The following GPC6 variants were observed in gnomAD, a reference collection of about 807,000 sequenced individuals.
GPC6 encodes the protein glypican-6.
In GPC6, 14 loss-of-function variants were observed where a neutral mutation model predicts 55.2. The observed-to-expected ratio is 0.25, with a 90% CI of 0.17 to 0.40. GPC6 has a LOEUF of 0.40. Among genes scored for constraint, GPC6 ranks in the 10% least tolerant of loss-of-function variants. The pLI is 1.00. For synonymous variants in GPC6, 278 were observed against 259.6 expected (o/e 1.07, Z -0.68); for missense variants, 641 against 708.5 (o/e 0.90, Z 1.08).
chr13:93,715,468 G>A (rs1232751151), intron 2 of GPC6, among the ~76,000 whole-genome samples: 2 of 151,520 alleles, frequency 1.3e-5, no homozygotes, highest in African/African-American at 4.8e-5. Flanking sequence ...AAGAGGGGAG[G>A]GAAGGAGGAA....
intron 3 of GPC6, among the ~76,000 whole-genome samples, chr13:93,977,407 G>C (rs1465023679): frequency 6.6e-6 from 1 of 150,888 alleles, no homozygotes; most frequent in South Asian, 2.1e-4. Flanking sequence ...TAAATGTTCA[G>C]AAGTGTGTGC....
chr13:94,075,801 A>G (rs1884891837), intron 4 of GPC6, among the ~76,000 whole-genome samples: 1 of 152,138 alleles, frequency 6.6e-6, no homozygotes, highest in Non-Finnish European at 1.5e-5. Context: ...AGGATTTCCT[A>G]CTTTCTAATG....
intron 1 of GPC6, among the ~76,000 whole-genome samples, chr13:93,516,497 T>C (rs2139392827): frequency 6.6e-6 from 1 of 152,188 alleles, no homozygotes; most frequent in South Asian, 2.1e-4. Context: ...GGAAACAAGC[T>C]GTGAATACAT....
intron 4 of GPC6, among the ~76,000 whole-genome samples, chr13:94,191,472 G>A (rs1293444464): frequency 6.6e-6 from 1 of 152,158 alleles, no homozygotes; most frequent in African/African-American, 2.4e-5. Flanking sequence ...AGGATCTTTG[G>A]AGAGCTGAGT....
chr13:94,335,465 C>A (rs1177256054), intron 6 of GPC6, among the ~76,000 whole-genome samples: 1 of 152,006 alleles, frequency 6.6e-6, no homozygotes, highest in Non-Finnish European at 1.5e-5. Context: ...GGTCCAGAGA[C>A]CTTTACGAAT....
At chr13:93,818,170 A>C (rs949429122) in intron 2 of GPC6, among the ~76,000 whole-genome samples, 1 of 149,992 alleles carries the variant, frequency 6.7e-6, no homozygotes, top group African/African-American at 2.4e-5. Context: ...AGGATATAGT[A>C]GAATATACAA....
At chr13:93,681,121 G>A (rs562995521) in intron 2 of GPC6, among the ~76,000 whole-genome samples, 20 of 152,138 alleles carry the variant, frequency 1.3e-4, no homozygotes, top group East Asian at 5.8e-4. Context: ...TGTTTCTTTC[G>A]ATCTTGATAA....
intron 3 of GPC6, among the ~76,000 whole-genome samples, chr13:93,930,286 T>TTTTTTTTTTTTTTTTG (rs1878098757): frequency 6.7e-6 from 1 of 148,384 alleles, no homozygotes; most frequent in Non-Finnish European, 1.5e-5. Context: ...TTTTTTTTTT[T>TTTTTTTTTTTTTTTTG]TTGTAGACAG....
chr13:94,212,042 A>G (rs549092368), intron 4 of GPC6, among the ~76,000 whole-genome samples: 4 of 152,214 alleles, frequency 2.6e-5, no homozygotes, highest in African/African-American at 4.8e-5. Flanking sequence ...GGACTTTATT[A>G]GCACCCTTTT....
chr13:94,118,158 A>G (rs1482242058), intron 4 of GPC6, among the ~76,000 whole-genome samples: 1 of 152,070 alleles, frequency 6.6e-6, no homozygotes, highest in Non-Finnish European at 1.5e-5. Flanking sequence ...TGTAGTTCTC[A>G]TAATCCCCAA....
At chr13:93,433,412 A>G (rs1405663451) in intron 1 of GPC6, among the ~76,000 whole-genome samples, 1 of 152,154 alleles carries the variant, frequency 6.6e-6, no homozygotes, top group Admixed American at 6.6e-5. Flanking sequence ...AAATAGTTTA[A>G]ATTACATGTA....
intron 7 of GPC6, among the ~76,000 whole-genome samples, chr13:94,383,288 G>A (rs1880256437): frequency 6.6e-6 from 1 of 152,194 alleles, no homozygotes; most frequent in Non-Finnish European, 1.5e-5. Flanking sequence ...CAGCAATGGG[G>A]TTGCAAGCGG....
chr13:93,461,897 T>A (rs1878707120), intron 1 of GPC6, among the ~76,000 whole-genome samples: 1 of 152,156 alleles, frequency 6.6e-6, no homozygotes, highest in Non-Finnish European at 1.5e-5. Flanking sequence ...GGGCACACAG[T>A]TGGTGCAGCT....
At chr13:93,654,238 A>T (rs894371487) in intron 2 of GPC6, among the ~76,000 whole-genome samples, 2 of 151,962 alleles carry the variant, frequency 1.3e-5, no homozygotes, top group Admixed American at 6.6e-5. Flanking sequence ...CACTTTAAGT[A>T]ATTATTATTA....
At chr13:93,805,236 C>A (rs1886507908) in intron 2 of GPC6, among the ~76,000 whole-genome samples, 1 of 152,070 alleles carries the variant, frequency 6.6e-6, no homozygotes, top group Non-Finnish European at 1.5e-5. Flanking sequence ...TCTAACTAAT[C>A]TCTATTAAAT....
chr13:93,247,110 C>G (rs1876629501), intron 1 of GPC6, among the ~76,000 whole-genome samples: 1 of 151,778 alleles, frequency 6.6e-6, no homozygotes, highest in East Asian at 1.9e-4. Flanking sequence ...AAAAACCATT[C>G]TAGTATCTTT....
In GPC6 at chr13:93,984,830, A is replaced by G. The variant is rs1211726856; in HGVS notation, c.712-42899A>G. ...TTCATCTTTGTGTCATTATCTGAAC[A>G]TATAAATATTTTTAATGGGAGGAAG... On this transcript the variant is annotated intron_variant, in intron 3 of 8. Coordinates refer to ENST00000377047, the MANE Select transcript of GPC6 (RefSeq NM_005708.5). Among the ~76,000 whole-genome samples, 4 of 152,242 alleles carry G rather than the reference A, an allele frequency of 2.6e-5. No homozygotes were observed. The South Asian group carries it at 6.2e-4, about 24-fold the overall frequency.
At chr13:93,711,727 C>T (rs866256177) in intron 2 of GPC6, among the ~76,000 whole-genome samples, 5 of 151,786 alleles carry the variant, frequency 3.3e-5, no homozygotes, top group African/African-American at 1.2e-4. Context: ...AATTTTCTGC[C>T]CCAGGGCATT....
chr13:93,757,611 A>G (rs1013364739), intron 2 of GPC6, among the ~76,000 whole-genome samples: 4 of 152,192 alleles, frequency 2.6e-5, no homozygotes. Context: ...CAGAGCTCAC[A>G]TCTCTAACTC....
Sources: allele counts gnomAD v4.1 joint callset (sites outside exome capture counted in the v4.1 genomes callset), GRCh38; gene constraint gnomAD v4.1.1; transcripts MANE v1.5; gene names NCBI Gene and HGNC (gene_info 2026-07-23, HGNC 2026-07-21).